PCED1B: variants seen among roughly 807,000 people sequenced by gnomAD.
PCED1B encodes PC-esterase domain-containing protein 1B.
For synonymous variants in PCED1B, 251 were observed against 246.1 expected (o/e 1.02, Z -0.19); for missense variants, 573 against 573.9 (o/e 1.00, Z 0.02).
At position 47,235,419 on chromosome 12, in the gene PCED1B, TCATC is replaced by T. The variant is rs1235669962; in HGVS notation, c.357_360del (p.Ile120Ter). On this transcript the variant is annotated frameshift_variant, in exon 4 of 4. Transcript: ENST00000546455. LOFTEE classifies it low-confidence loss of function (END_TRUNC). ...TCGGGCGAGCACGCCCCCGACCTGG[TCATC>T]ATGAATTCCTGCCTCTGGGACATCT... is the stretch of plus-strand genomic sequence containing the variant. The T allele has an allele frequency of 6.2e-7, 1 of 1,614,042 alleles. No individual in the cohort carries two copies. Among genetic ancestry groups the T allele is most frequent in the Non-Finnish European group, 8.5e-7 (1 of 1,180,034 alleles).
chr12:47,197,007 G>C (rs1397228380), intron 2 of PCED1B, among the ~76,000 whole-genome samples: 1 of 150,936 alleles, frequency 6.6e-6, no homozygotes, highest in East Asian at 1.9e-4. Flanking sequence ...TACACAAATT[G>C]GCAGTTTATT....
chr12:47,171,365 C>T (rs1449947638), intron 2 of PCED1B, among the ~76,000 whole-genome samples: 3 of 152,120 alleles, frequency 2.0e-5, no homozygotes, highest in African/African-American at 7.2e-5. Flanking sequence ...CCGTGCCTGG[C>T]CCTATTCTAC....
chr12:47,083,808 T>C (rs1212184649), intron 1 of PCED1B, among the ~76,000 whole-genome samples: 4 of 152,168 alleles, frequency 2.6e-5, no homozygotes, highest in African/African-American at 9.7e-5. Context: ...AGGTACTGCA[T>C]GTCCTCCCCA....
At chr12:47,234,922 C>A (rs749884033) in intron 3 of PCED1B, 85 bp from the exon 4 acceptor site, 96 of 657,256 alleles carry the variant, frequency 1.5e-4, no homozygotes, top group Non-Finnish European at 2.0e-4. Flanking sequence ...CCATCCCCTT[C>A]CCCATGGTCT....
intron 2 of PCED1B, among the ~76,000 whole-genome samples, chr12:47,127,735 A>G (rs374251787): frequency 1.2e-4 from 19 of 152,062 alleles, no homozygotes; most frequent in African/African-American, 3.6e-4. Flanking sequence ...ATTCTTTAAC[A>G]TTTATTTAGA....
intron 2 of PCED1B, among the ~76,000 whole-genome samples, chr12:47,186,165 C>T (rs1942256486): frequency 6.6e-6 from 1 of 150,722 alleles, no homozygotes; most frequent in Non-Finnish European, 1.5e-5. Flanking sequence ...TTGCAGTGAG[C>T]CAAGATCGCG....
intron 3 of PCED1B, among the ~76,000 whole-genome samples, chr12:47,223,299 T>C (rs1429615132): frequency 1.3e-5 from 2 of 152,032 alleles, no homozygotes; most frequent in Non-Finnish European, 2.9e-5. Flanking sequence ...AAGTGGCCAC[T>C]GAAAGGAGCA....
chr12:47,091,393 G>A (rs1222700532), intron 1 of PCED1B, among the ~76,000 whole-genome samples: 1 of 151,814 alleles, frequency 6.6e-6, no homozygotes, highest in Non-Finnish European at 1.5e-5. Context: ...TTATTGACTT[G>A]CAGGTGTTCT....
chr12:47,229,894 C>T (rs551202032), intron 3 of PCED1B, among the ~76,000 whole-genome samples: 4 of 151,474 alleles, frequency 2.6e-5, no homozygotes, highest in Non-Finnish European at 2.9e-5. Flanking sequence ...CTCAGCCTCC[C>T]GAGTAGCTGG....
At chr12:47,170,934 C>G (rs1941708658) in intron 2 of PCED1B, among the ~76,000 whole-genome samples, 1 of 152,104 alleles carries the variant, frequency 6.6e-6, no homozygotes, top group African/African-American at 2.4e-5. Context: ...TCATCACACA[C>G]AAGTTTCTGG....
chr12:47,160,794 T>C (rs1219211608), intron 2 of PCED1B, among the ~76,000 whole-genome samples: 1 of 152,208 alleles, frequency 6.6e-6, no homozygotes, highest in Non-Finnish European at 1.5e-5. Flanking sequence ...TGTGGCAATG[T>C]TGGGAAGTGA....
intron 2 of PCED1B, among the ~76,000 whole-genome samples, chr12:47,194,044 C>G (rs1299130232): frequency 6.6e-6 from 1 of 152,214 alleles, no homozygotes; most frequent in Admixed American, 6.5e-5. Flanking sequence ...CTGCAGGGCC[C>G]TTGGTCATAC....
chr12:47,144,822 T>A (rs1424116177), intron 2 of PCED1B, among the ~76,000 whole-genome samples: 2 of 152,252 alleles, frequency 1.3e-5, no homozygotes, highest in African/African-American at 4.8e-5. Context: ...GCCATTCCCC[T>A]GTCTCAAAAT....
Position 47,231,114 on chromosome 12 carries a change from C to T in PCED1B, c.-57-3893C>T, listed in dbSNP as rs1177762835. Among the ~76,000 whole-genome samples, 6 of 152,086 alleles carry T rather than the reference C, an allele frequency of 3.9e-5. No homozygotes were observed. The South Asian group carries it at 1.2e-3, about 32-fold the overall frequency. ...CTTTGCTAATACTCTGTAGAGGGGCCGATGGATATCCTCTGCCCATCTTAG... is the reference window on the plus strand; with the variant it reads ...CTTTGCTAATACTCTGTAGAGGGGCTGATGGATATCCTCTGCCCATCTTAG... On this transcript the variant is annotated intron_variant, in intron 3 of 3. Coordinates refer to ENST00000546455, the MANE Select transcript of PCED1B (RefSeq NM_138371.3).
intron 2 of PCED1B, among the ~76,000 whole-genome samples, chr12:47,152,721 A>G (rs1364962540): frequency 6.6e-6 from 1 of 152,108 alleles, no homozygotes; most frequent in Non-Finnish European, 1.5e-5. Flanking sequence ...ACCTGAGGTC[A>G]GGAGTTCAAG....
At chr12:47,081,784 T>A (rs1199356654) in intron 1 of PCED1B, among the ~76,000 whole-genome samples, 1 of 152,202 alleles carries the variant, frequency 6.6e-6, no homozygotes, top group Non-Finnish European at 1.5e-5. Context: ...AACATCGTAT[T>A]TTAAGGAAAC....
intron 2 of PCED1B, among the ~76,000 whole-genome samples, chr12:47,123,242 G>A (rs763962223): frequency 1.3e-5 from 2 of 152,042 alleles, no homozygotes; most frequent in African/African-American, 4.8e-5. Context: ...AACAACTTTT[G>A]TTAGGTAAAA....
chr12:47,186,718 G>GCTGA (rs919970759), intron 2 of PCED1B, among the ~76,000 whole-genome samples: 2 of 152,160 alleles, frequency 1.3e-5, no homozygotes, highest in African/African-American at 4.8e-5. Flanking sequence ...GCATGGCCCT[G>GCTGA]CTGACACCTT....
chr12:47,089,438 C>T (rs1467158069), intron 1 of PCED1B, among the ~76,000 whole-genome samples: 1 of 81,832 alleles, frequency 1.2e-5, no homozygotes, highest in Non-Finnish European at 2.5e-5. Context: ...CAGAGCAAGA[C>T]TCCATCTCAA....
Sources: allele counts gnomAD v4.1 joint callset (sites outside exome capture counted in the v4.1 genomes callset), GRCh38; gene constraint gnomAD v4.1.1; transcripts MANE v1.5; gene names NCBI Gene and HGNC (gene_info 2026-07-23, HGNC 2026-07-21).